The following JPH4 variants were observed in gnomAD, a reference collection of about 807,000 sequenced individuals.
The protein encoded by JPH4 is junctophilin 4.
In JPH4, 18 loss-of-function variants were observed where a neutral mutation model predicts 57.6. That is an observed-to-expected ratio of 0.31 (90% CI 0.22 to 0.46). JPH4 has a LOEUF of 0.46. Among genes scored for constraint, JPH4 ranks in the 20% least tolerant of loss-of-function variants. The pLI, the probability that JPH4 is intolerant of heterozygous loss-of-function variation, is 1.00. For synonymous variants in JPH4, 425 were observed against 406.6 expected (o/e 1.05, Z -0.54); for missense variants, 727 against 911.1 (o/e 0.80, Z 2.60).
In JPH4 at chr14:23,577,533, C is replaced by CG; in HGVS notation, c.-81dup. On this transcript the variant is annotated 5_prime_UTR_variant, in exon 2 of 6. An upstream open reading frame in the 5' UTR gains an earlier in-frame stop. Transcript: ENST00000356300. The surrounding 1 kb of genome is among the most constrained non-coding windows in gnomAD (Gnocchi z 8.4). ...GAGAGCCTGCTGGGGGCCTTGGAGC[C>CG]GGGCGAGGCCTCGGGGCGGGGGCAG... 2.5e-6 allele frequency: 3 copies of CG among 1,208,330 alleles called. No homozygotes were observed. Among genetic ancestry groups the CG allele is most frequent in the Non-Finnish European group, 3.2e-6 (3 of 932,622 alleles). The allele number at this position is 1,208,330 out of a possible 1,614,324, so 74.9% of individuals were successfully genotyped here.
At position 23,569,245 on chromosome 14, in the gene JPH4, A is replaced by G; in HGVS notation, c.*389T>C. 1 of 281,688 alleles carries G rather than the reference A, an allele frequency of 3.6e-6. No individual in the cohort carries two copies. The highest frequency in any genetic ancestry group is 6.9e-6 in the Non-Finnish European group (1 of 145,486). The allele number at this position is 281,688 out of a possible 1,614,324, so 17.4% of individuals were successfully genotyped here. ...TTCAGCTTCCAGGAGTCTCCTTAGG[A>G]CACCAAACCCCCACCCGCAGCGAAG... is the stretch of plus-strand genomic sequence containing the variant. On this transcript the variant is annotated 3_prime_UTR_variant, in exon 6 of 6. Coordinates refer to ENST00000356300, the MANE Select transcript of JPH4 (RefSeq NM_001146028.2). The surrounding 1 kb of genome is among the most constrained non-coding windows in gnomAD (Gnocchi z 4.8).
At position 23,576,297 on chromosome 14, in the gene JPH4, G is replaced by C; in HGVS notation, c.539C>G (p.Pro180Arg). 3.9e-6 allele frequency: 5 copies of C among 1,267,868 alleles called. No homozygotes were observed. The highest frequency in any genetic ancestry group is 5.0e-6 in the Non-Finnish European group (5 of 1,008,444). 78.5% of individuals were successfully genotyped at this position (1,267,868 alleles called of 1,614,324 possible). A position where few individuals can be genotyped will look rare whatever the true frequency, so the allele number is the denominator to read the frequency against. ...GGCGGGGCTGCCTCCCTCGTCGCCC[G>C]GCAAGGGCAGGGGCGGGGGTGGCGT... is the stretch of plus-strand genomic sequence containing the variant. ...PPTPPPPLPL[P>R]GDEGGSPASG... Residue 180 changes from proline (P) to arginine (R), a missense_variant, in exon 3 of 6, where the codon CCG (proline) becomes CGG (arginine). Coordinates refer to ENST00000356300, the MANE Select transcript of JPH4 (RefSeq NM_001146028.2). The surrounding 1 kb of genome is among the most constrained non-coding windows in gnomAD (Gnocchi z 8.0).
rs1230806906 is a variant in JPH4, at chr14:23,571,192, C to A, written c.1539G>T (p.Glu513Asp). 1.2e-6 allele frequency: 2 copies of A among 1,613,952 alleles called. No individual in the cohort carries two copies. Among genetic ancestry groups the A allele is most frequent in the Non-Finnish European group, 1.7e-6 (2 of 1,179,984 alleles). The part of the protein sequence containing the change: ...GAQAEELAGY[E>D]AEDEAGMQGP... ...CTTGCATCCCAGCCTCATCCTCAGC[C>A]TCATAGCCAGCTAGTTCCTCTGCCT... The change falls in exon 5 of 6, where the codon GAG (glutamate) becomes GAT (aspartate). Residue 513 changes from glutamate to aspartate, a missense_variant. By Grantham distance (45) the Glu-to-Asp change is conservative. Transcript: ENST00000356300. This position sits in a 1 kb window ranked among gnomAD's most constrained non-coding sequence, Gnocchi z 4.6.
chr14:23,576,298 G>T lies in JPH4; in HGVS notation c.538C>A (p.Pro180Thr). ...GCGGGGCTGCCTCCCTCGTCGCCCGGCAAGGGCAGGGGCGGGGGTGGCGTC... is the reference window on the plus strand; with the variant it reads ...GCGGGGCTGCCTCCCTCGTCGCCCGTCAAGGGCAGGGGCGGGGGTGGCGTC... The part of the protein sequence containing the change: ...PPTPPPPLPL[P>T]GDEGGSPASG... Residue 180 changes from proline (P) to threonine (T), a missense_variant, in exon 3 of 6, where the codon CCG becomes ACG. Pro to Thr is a conservative substitution (Grantham distance 38). This residue lies in a region of JPH4 where 131 missense variants were observed against 156.5 expected (regional missense o/e 0.84). Coordinates refer to ENST00000356300, the MANE Select transcript of JPH4 (RefSeq NM_001146028.2). The surrounding 1 kb of genome is among the most constrained non-coding windows in gnomAD (Gnocchi z 8.0). 3 of 1,268,236 alleles carry T rather than the reference G, an allele frequency of 2.4e-6. No homozygotes were observed. The highest frequency in any genetic ancestry group is 2.0e-6 in the Non-Finnish European group (2 of 1,008,642). The allele number at this position is 1,268,236 out of a possible 1,614,324, so 78.6% of individuals were successfully genotyped here. A position where few individuals can be genotyped will look rare whatever the true frequency, so the allele number is the denominator to read the frequency against.
In JPH4 at chr14:23,575,712, C is replaced by A; in HGVS notation, c.1124G>T (p.Arg375Leu). 1 of 1,606,454 alleles carries A rather than the reference C, an allele frequency of 6.2e-7. No homozygotes were observed. The highest frequency in any genetic ancestry group is 8.5e-7 in the Non-Finnish European group (1 of 1,177,500). Residue 375 changes from arginine (R) to leucine (L), a missense_variant, in exon 3 of 6, where the codon CGT becomes CTT. By Grantham distance (102) the Arg-to-Leu change is moderately radical. Transcript: ENST00000356300. The surrounding 1 kb of genome is among the most constrained non-coding windows in gnomAD (Gnocchi z 6.9). ...EGARRAVSAA[R>L]QRQEIAAARA... ...GGCAGCGGCGATCTCCTGGCGCTGA[C>A]GGGCAGCACTCACGGCTCGACGGGC...
rs1276794497 is a variant in JPH4 at position 23,575,932 on chromosome 14, C to T, written c.904G>A (p.Gly302Arg). Residue 302 changes from glycine (G) to arginine (R), a missense_variant, in exon 3 of 6, where the codon GGG becomes AGG. Gly to Arg is a moderately radical substitution (Grantham distance 125, BLOSUM62 -2). Transcript: ENST00000356300. This position sits in a 1 kb window ranked among gnomAD's most constrained non-coding sequence, Gnocchi z 6.9. The part of the protein sequence containing the change: ...SGFGVSQRSN[G>R]LRYEGEWLGN... ...AGCCACTCGCCCTCGTAGCGCAGCC[C>T]GTTGGAGCGCTGGCTGACGCCGAAG... The T allele has an allele frequency of 6.4e-7, 1 of 1,554,768 alleles. No homozygotes were observed. Among genetic ancestry groups the T allele is most frequent in the Non-Finnish European group, 8.6e-7 (1 of 1,158,352 alleles).
At position 23,577,664 on chromosome 14, in the gene JPH4, C is replaced by A. The variant is rs1319839302; in HGVS notation, c.-171-40G>T. 9.5e-6 allele frequency: 4 copies of A among 419,270 alleles called. No homozygotes were observed. Among genetic ancestry groups the A allele is most frequent in the Non-Finnish European group, 1.7e-5 (4 of 239,308 alleles). The allele number at this position is 419,270 out of a possible 1,614,324, so 26.0% of individuals were successfully genotyped here. ...GGAGGGGGGCAAGTGGCGAGAGAGGCCCCTCCTCTTTGCCCGCCGCTCCCT... is the reference window on the plus strand; with the variant it reads ...GGAGGGGGGCAAGTGGCGAGAGAGGACCCTCCTCTTTGCCCGCCGCTCCCT... On this transcript the variant is annotated intron_variant, in intron 1 of 5. Transcript: ENST00000356300. This position sits in a 1 kb window ranked among gnomAD's most constrained non-coding sequence, Gnocchi z 8.4.
chr14:23,569,618 A>G lies in JPH4; in HGVS notation c.*16T>C. ...GAGGCACGCAACCAAAGCCAGAACC[A>G]GGCCAGGAAGTAGCCTCAGGTGAGG... On this transcript the variant is annotated 3_prime_UTR_variant, in exon 6 of 6. Coordinates refer to ENST00000356300, the MANE Select transcript of JPH4 (RefSeq NM_001146028.2). The surrounding 1 kb of genome is among the most constrained non-coding windows in gnomAD (Gnocchi z 4.8). The G allele has an allele frequency of 6.5e-7, 1 of 1,548,108 alleles. No individual in the cohort carries two copies. Among genetic ancestry groups the G allele is most frequent in the Non-Finnish European group, 8.7e-7 (1 of 1,143,602 alleles).
In JPH4 at chr14:23,569,587, G is replaced by A; in HGVS notation, c.*47C>T. The A allele has an allele frequency of 7.7e-7, 1 of 1,300,740 alleles. No homozygotes were observed. The highest frequency in any genetic ancestry group is 1.1e-6 in the Non-Finnish European group (1 of 918,014). The allele number at this position is 1,300,740 out of a possible 1,614,324, so 80.6% of individuals were successfully genotyped here. On this transcript the variant is annotated 3_prime_UTR_variant, in exon 6 of 6. Coordinates refer to ENST00000356300, the MANE Select transcript of JPH4 (RefSeq NM_001146028.2). This position sits in a 1 kb window ranked among gnomAD's most constrained non-coding sequence, Gnocchi z 4.8. ...GAAGAGAAAAAAGGCAGGTCAAAGG[G>A]GTGAAGAGGCACGCAACCAAAGCCA...
chr14:23,571,424 G>C lies in JPH4; in HGVS notation c.1307C>G (p.Thr436Arg). The change falls in exon 5 of 6, where the codon ACG becomes AGG. Residue 436 changes from threonine to arginine, a missense_variant. Transcript: ENST00000356300. The surrounding 1 kb of genome is among the most constrained non-coding windows in gnomAD (Gnocchi z 4.6). ...RPRQDSEGSDTEPLDEDSPGV... is the reference protein window; with the variant it reads ...RPRQDSEGSDREPLDEDSPGV... Reference sequence around the variant, plus strand: ...AGGGCTGTCCTCATCCAGGGGCTCCGTGTCGGAACCTTCTGAGTCCTGCCT... The same window carrying C: ...AGGGCTGTCCTCATCCAGGGGCTCCCTGTCGGAACCTTCTGAGTCCTGCCT... The C allele has an allele frequency of 6.3e-7, 1 of 1,599,532 alleles. No individual in the cohort carries two copies. The highest frequency in any genetic ancestry group is 1.1e-5 in the South Asian group (1 of 91,072).
Position 23,577,216 on chromosome 14 carries a change from G to A in JPH4, c.238C>T (p.Arg80Cys), listed in dbSNP as rs1005603589. The A allele has an allele frequency of 6.5e-7, 1 of 1,537,336 alleles. No homozygotes were observed. The highest frequency in any genetic ancestry group is 8.7e-7 in the Non-Finnish European group (1 of 1,146,172). The change falls in exon 2 of 6, where the codon CGC (arginine) becomes TGC (cysteine). Residue 80 changes from arginine to cysteine, a missense_variant. This residue lies in a region of JPH4 where 83 missense variants were observed against 135.4 expected (regional missense o/e 0.61). Transcript: ENST00000356300. The surrounding 1 kb of genome is among the most constrained non-coding windows in gnomAD (Gnocchi z 8.4). ...REGLGVERKS[R>C]WTYRGEWLGG... ...AGCCACTCGCCGCGGTACGTCCAGCGGCTCTTGCGCTCCACGCCCAGCCCT... is the reference window on the plus strand; with the variant it reads ...AGCCACTCGCCGCGGTACGTCCAGCAGCTCTTGCGCTCCACGCCCAGCCCT...
chr14:23,577,445 G>C lies in JPH4; in HGVS notation c.9C>G (p.Pro3=). Residue 3 remains proline, a synonymous_variant, in exon 2 of 6, where the codon CCC becomes CCG. Coordinates refer to ENST00000356300, the MANE Select transcript of JPH4 (RefSeq NM_001146028.2). This position sits in a 1 kb window ranked among gnomAD's most constrained non-coding sequence, Gnocchi z 8.4. ...CGTCGTCAAAGTCGAACTTGCCCCC[G>C]GGGGACATGCATGTAGTTGGCGCGG... MS[P]GGKFDFDDGG... 2 of 1,431,708 alleles carry C rather than the reference G, an allele frequency of 1.4e-6. No individual in the cohort carries two copies. Among genetic ancestry groups the C allele is most frequent in the South Asian group, 1.5e-5 (1 of 68,778 alleles). 88.7% of individuals were successfully genotyped at this position (1,431,708 alleles called of 1,614,324 possible).
At chr14:23,573,039 C>G (rs866691539) in intron 3 of JPH4, 2 of 680,880 alleles carry the variant, frequency 2.9e-6, no homozygotes, top group South Asian at 1.6e-5. Flanking sequence ...AAAGGCAGGC[C>G]GACGAGCTGC....
At position 23,568,513 on chromosome 14, in the gene JPH4, T is replaced by C. The variant is rs1566674191; in HGVS notation, c.*1121A>G. On this transcript the variant is annotated 3_prime_UTR_variant, in exon 6 of 6. Coordinates refer to ENST00000356300, the MANE Select transcript of JPH4 (RefSeq NM_001146028.2). Reference sequence around the variant, plus strand: ...AGCATGTGAGATCAGCTATCTTTGATCCCCTCCTTCTGTTGTTTTCCCATT... The same window carrying C: ...AGCATGTGAGATCAGCTATCTTTGACCCCCTCCTTCTGTTGTTTTCCCATT... 4 of 985,642 alleles carry C rather than the reference T, an allele frequency of 4.1e-6. No homozygotes were observed. Among genetic ancestry groups the C allele is most frequent in the Non-Finnish European group, 4.8e-6 (4 of 829,974 alleles). The allele number at this position is 985,642 out of a possible 1,614,324, so 61.1% of individuals were successfully genotyped here.
intron 3 of JPH4, among the ~76,000 whole-genome samples, chr14:23,573,950 A>C (rs1269169394): frequency 1.3e-5 from 2 of 151,596 alleles, no homozygotes; most frequent in African/African-American, 2.4e-5. Flanking sequence ...ACACACACAC[A>C]CACACACACA....
rs1252699345 is a variant in JPH4, at chr14:23,568,322, A to AG, written c.*1311dup. 4 of 985,820 alleles carry AG rather than the reference A, an allele frequency of 4.1e-6. No homozygotes were observed. The highest frequency in any genetic ancestry group is 4.8e-6 in the Non-Finnish European group (4 of 829,946). The allele number at this position is 985,820 out of a possible 1,614,324, so 61.1% of individuals were successfully genotyped here. On this transcript the variant is annotated 3_prime_UTR_variant, in exon 6 of 6. Coordinates refer to ENST00000356300, the MANE Select transcript of JPH4 (RefSeq NM_001146028.2). The stretch of plus-strand genomic sequence containing the variant: ...CAGGCAGCTTGCCTCTGCCTCATGC[A>AG]GGGGAGGGAGGAAAGATCCCCTGGG...
In JPH4 at chr14:23,577,136, G is replaced by T; in HGVS notation, c.318C>A (p.Tyr106Ter). ...GGAAACCGTCCTTCCAGAGCCCGGCGTAGCGCAGGCCGGACACGCTTTCCC... is the reference window on the plus strand; with the variant it reads ...GGAAACCGTCCTTCCAGAGCCCGGCTTAGCGCAGGCCGGACACGCTTTCCC... ...GVWESVSGLR[Y>*]AGLWKDGFQD... The change falls in exon 2 of 6, where the codon TAC (tyrosine) becomes TAA (stop). Residue 106 changes from tyrosine (Y) to a stop codon, truncating the protein, a stop_gained. Coordinates refer to ENST00000356300, the MANE Select transcript of JPH4 (RefSeq NM_001146028.2). LOFTEE classifies it high-confidence loss of function. This position sits in a 1 kb window ranked among gnomAD's most constrained non-coding sequence, Gnocchi z 8.4. The T allele has an allele frequency of 6.4e-7, 1 of 1,552,520 alleles. No homozygotes were observed. Among genetic ancestry groups the T allele is most frequent in the Non-Finnish European group, 8.6e-7 (1 of 1,157,614 alleles).
chr14:23,577,218 C>G lies in JPH4; in HGVS notation c.236G>C (p.Ser79Thr). The G allele has an allele frequency of 6.5e-7, 1 of 1,537,222 alleles. No individual in the cohort carries two copies. Among genetic ancestry groups the G allele is most frequent in the Non-Finnish European group, 8.7e-7 (1 of 1,146,046 alleles). The change falls in exon 2 of 6, where the codon AGC (serine) becomes ACC (threonine). Residue 79 changes from serine (S) to threonine (T), a missense_variant. By Grantham distance (58) the Ser-to-Thr change is moderately conservative. Around this residue, in one of 7 missense-constraint regions of JPH4, gnomAD observed 83 missense variants for 135.4 expected, o/e 0.61. Transcript: ENST00000356300. The surrounding 1 kb of genome is among the most constrained non-coding windows in gnomAD (Gnocchi z 8.4). ...KREGLGVERK[S>T]RWTYRGEWLG... ...CCACTCGCCGCGGTACGTCCAGCGG[C>G]TCTTGCGCTCCACGCCCAGCCCTTC...
chr14:23,571,784 C>T lies in JPH4; in HGVS notation c.1270+18G>A, dbSNP rs200257620. On this transcript the variant is annotated intron_variant, in intron 4 of 5. Transcript: ENST00000356300. This position sits in a 1 kb window ranked among gnomAD's most constrained non-coding sequence, Gnocchi z 4.6. ...CCTAGGGGCCTCACTGCCCTCCCCC[C>T]AGCTGTCCATGCCTCACCTGGGGCC... The T allele has an allele frequency of 1.3e-3, 2,039 of 1,606,688 alleles. 2 individuals are homozygous for T. The highest frequency in any genetic ancestry group is 1.6e-3 in the Non-Finnish European group (1,904 of 1,175,860).
Sources: gnomAD v4.1 joint callset for allele counts (sites outside exome capture counted in the v4.1 genomes callset) on GRCh38, gnomAD v4.1.1 for gene constraint, gnomAD v4.1.1 regional missense constraint, Gnocchi (gnomAD v3.1) non-coding constraint, MANE v1.5 for transcripts, NCBI Gene and HGNC (gene_info 2026-07-23, HGNC 2026-07-21) for gene names.